Variants in UBE2W observed in about 807,000 individuals in gnomAD.
UBE2W encodes ubiquitin conjugating enzyme E2 W.
Under a neutral mutation model 27.2 loss-of-function variants are expected in UBE2W, and 18 were observed. The ratio of observed to expected loss-of-function variants is 0.66; its 90% CI spans 0.46 to 0.98. The LOEUF (loss-of-function observed/expected upper bound fraction) is 0.98. UBE2W is among the 50% of genes least tolerant of loss of function. UBE2W has a pLI of 0.00. For missense variants in UBE2W, 90 were observed against 180.2 expected (o/e 0.50, Z 2.87); for synonymous variants, 53 against 57.2 (o/e 0.93, Z 0.33).
intron 1 of UBE2W, among the ~76,000 whole-genome samples, chr8:73,878,325 C>A (rs1202574413): frequency 2.0e-5 from 3 of 152,212 alleles, no homozygotes; most frequent in Admixed American, 2.0e-4. Context: ...GGCCGCTAAG[C>A]GCCGTCCGCA....
chr8:73,793,213 T>A lies in UBE2W; in HGVS notation c.*889A>T. On this transcript the variant is annotated 3_prime_UTR_variant, in exon 6 of 6. Transcript: ENST00000602593. ...GCTCATGCTGATGGCTAGCAGGAAGTTAACAGAGTGTAACTTACTTGGAAA... is the reference window on the plus strand; with the variant it reads ...GCTCATGCTGATGGCTAGCAGGAAGATAACAGAGTGTAACTTACTTGGAAA... The A allele has an allele frequency of 1.0e-6, 1 of 985,814 alleles. No individual in the cohort carries two copies. The highest frequency in any genetic ancestry group is 1.2e-6 in the Non-Finnish European group (1 of 829,912). 61.1% of individuals were successfully genotyped at this position (985,814 alleles called of 1,614,324 possible).
intron 1 of UBE2W, among the ~76,000 whole-genome samples, chr8:73,875,914 G>A (rs547581860): frequency 3.3e-5 from 5 of 152,142 alleles, no homozygotes; most frequent in South Asian, 2.1e-4. Flanking sequence ...TTACCTGGGC[G>A]TGGTGGCCAG....
chr8:73,849,298 G>A (rs1011758718), intron 1 of UBE2W, among the ~76,000 whole-genome samples: 16 of 152,116 alleles, frequency 1.1e-4, no homozygotes, highest in African/African-American at 3.6e-4. Context: ...GATCACCTGA[G>A]GTCAGGAGTT....
intron 4 of UBE2W, among the ~76,000 whole-genome samples, chr8:73,806,948 T>C (rs1808934260): frequency 6.6e-6 from 1 of 152,200 alleles, no homozygotes; most frequent in Admixed American, 6.5e-5. Context: ...GAGAAATATA[T>C]GGCAGCTCCG....
intron 1 of UBE2W, among the ~76,000 whole-genome samples, chr8:73,858,603 T>A (rs1444189429): frequency 3.4e-5 from 5 of 146,968 alleles, no homozygotes; most frequent in African/African-American, 7.5e-5. Flanking sequence ...TAAAATAATT[T>A]AAAAATATAT....
intron 1 of UBE2W, 105 bp downstream of exon 1, chr8:73,878,698 GATCCC>G: frequency 9.7e-7 from 1 of 1,026,854 alleles, no homozygotes; most frequent in African/African-American, 1.6e-5. Flanking sequence ...CACCCGGACC[GATCCC>G]GAACCCGCCC....
intron 3 of UBE2W, among the ~76,000 whole-genome samples, chr8:73,816,781 C>G (rs1809404623): frequency 6.6e-6 from 1 of 152,182 alleles, no homozygotes; most frequent in Non-Finnish European, 1.5e-5. Context: ...GCCTGTAATC[C>G]CAGCAGTTTG....
At position 73,789,083 on chromosome 8, in the gene UBE2W, C is replaced by G. The variant is rs1292910089; in HGVS notation, c.*5019G>C. The G allele has an allele frequency of 1.0e-6, 1 of 984,808 alleles. No homozygotes were observed. Among genetic ancestry groups the G allele is most frequent in the Admixed American group, 6.2e-5 (1 of 16,200 alleles). The allele number at this position is 984,808 out of a possible 1,614,324, so 61.0% of individuals were successfully genotyped here. ...AACATCTCACCAGGATCAAAGAACC[C>G]TAACTTCAACTTTCAGGATAGAGAG... On this transcript the variant is annotated 3_prime_UTR_variant, in exon 6 of 6. Transcript: ENST00000602593.
At chr8:73,841,290 T>A (rs1403150003) in intron 1 of UBE2W, among the ~76,000 whole-genome samples, 2 of 152,180 alleles carry the variant, frequency 1.3e-5, no homozygotes, top group Admixed American at 6.5e-5. Flanking sequence ...TTAAATTTAC[T>A]ATTTTTTTTT....
At chr8:73,798,771 G>C (rs970598717) in intron 5 of UBE2W, among the ~76,000 whole-genome samples, 2 of 152,126 alleles carry the variant, frequency 1.3e-5, no homozygotes, top group Non-Finnish European at 2.9e-5. Context: ...TTATGATATA[G>C]AACTCTGAGG....
rs1277308978 is a variant in UBE2W at position 73,794,050 on chromosome 8, G to A, written c.*52C>T. The A allele has an allele frequency of 3.4e-5, 54 of 1,611,304 alleles. No homozygotes were observed. Among genetic ancestry groups the A allele is most frequent in the Non-Finnish European group, 4.5e-5 (53 of 1,178,926 alleles). ...AGTTCAAAGACTGAATGATCAAAGTGCTCATTTTCTCAGTAGGACTATCTT... is the reference window on the plus strand; with the variant it reads ...AGTTCAAAGACTGAATGATCAAAGTACTCATTTTCTCAGTAGGACTATCTT... On this transcript the variant is annotated 3_prime_UTR_variant, in exon 6 of 6. Transcript: ENST00000602593.
chr8:73,785,251 T>C (rs1807916223), downstream of UBE2W, among the ~76,000 whole-genome samples: 1 of 152,052 alleles, frequency 6.6e-6, no homozygotes, highest in East Asian at 1.9e-4. Context: ...GTTCAAGCAA[T>C]TCTTGTGCCT....
intron 5 of UBE2W, among the ~76,000 whole-genome samples, chr8:73,794,862 A>G (rs533580796): frequency 9.3e-4 from 138 of 148,370 alleles, no homozygotes; most frequent in Non-Finnish European, 1.5e-3. Context: ...CATAAAAAAA[A>G]AAAAAAAGAA....
rs1452603040 is a variant in UBE2W, at chr8:73,792,066, CAGA to C, written c.*2033_*2035del. On this transcript the variant is annotated 3_prime_UTR_variant, in exon 6 of 6. Transcript: ENST00000602593. ...TGGAGACAGATTTCTCCCTAACCCC[CAGA>C]AGAAGATCAAGTCAAACAGTAGTGT... The C allele has an allele frequency of 3.7e-5, 36 of 985,198 alleles. No individual in the cohort carries two copies. In the Admixed American group the frequency reaches 3.7e-4, roughly 10 times the overall value. The allele number at this position is 985,198 out of a possible 1,614,324, so 61.0% of individuals were successfully genotyped here. A position where few individuals can be genotyped will look rare whatever the true frequency, so the allele number is the denominator to read the frequency against.
intron 1 of UBE2W, among the ~76,000 whole-genome samples, chr8:73,848,733 G>A (rs2130943993): frequency 6.6e-6 from 1 of 152,272 alleles, no homozygotes; most frequent in East Asian, 1.9e-4. Context: ...ATTACCTTTA[G>A]GAGAGGGAGG....
chr8:73,826,864 C>T (rs115847602), intron 2 of UBE2W, among the ~76,000 whole-genome samples: 49 of 152,342 alleles, frequency 3.2e-4, no homozygotes, highest in African/African-American at 1.2e-3. Flanking sequence ...TAGCACATTC[C>T]TGACTCAGTC....
Position 73,794,031 on chromosome 8 carries a change from A to G in UBE2W, c.*71T>C. 1 of 1,605,468 alleles carries G rather than the reference A, an allele frequency of 6.2e-7. No individual in the cohort carries two copies. The highest frequency in any genetic ancestry group is 1.1e-5 in the South Asian group (1 of 88,954). ...ACTTCCAGTCAAAGGTTAAAGTTCA[A>G]AGACTGAATGATCAAAGTGCTCATT... is the stretch of plus-strand genomic sequence containing the variant. On this transcript the variant is annotated 3_prime_UTR_variant, in exon 6 of 6. Coordinates refer to ENST00000602593, the MANE Select transcript of UBE2W (RefSeq NM_018299.6).
At chr8:73,794,139 T>A in intron 5 of UBE2W, 24 bp from the exon 6 acceptor site, 1 of 1,611,106 alleles carries the variant, frequency 6.2e-7, no homozygotes, top group Non-Finnish European at 8.5e-7. Context: ...AGAAAAAAGA[T>A]AATTAAAAAG....
chr8:73,834,040 A>T (rs1400440104), intron 1 of UBE2W: 2 of 152,234 alleles, frequency 1.3e-5, no homozygotes, highest in Non-Finnish European at 2.9e-5. Flanking sequence ...CACTACACCC[A>T]GCGTAAGTCT....
Sources: allele counts gnomAD v4.1 joint callset (sites outside exome capture counted in the v4.1 genomes callset), GRCh38; gene constraint gnomAD v4.1.1; transcripts MANE v1.5; gene names NCBI Gene and HGNC (gene_info 2026-07-23, HGNC 2026-07-21).